Variants in EXOC3L2 observed in about 807,000 individuals in gnomAD.
EXOC3L2 encodes exocyst complex component 3-like protein 2.
In EXOC3L2, 17 loss-of-function variants were observed where a neutral mutation model predicts 44.4. The observed-to-expected ratio is 0.38, with a 90% CI of 0.26 to 0.57. The LOEUF (loss-of-function observed/expected upper bound fraction) is 0.57, where lower values mean the gene tolerates loss of function less well. Among genes scored for constraint, EXOC3L2 ranks in the 20% least tolerant of loss-of-function variants. The probability of loss-of-function intolerance (pLI) is 0.65; values close to 1 mark genes in which losing one functional copy is unlikely to be tolerated. For missense variants in EXOC3L2, 541 were observed against 588.4 expected (o/e 0.92, Z 0.83); for synonymous variants, 256 against 253.7 (o/e 1.01, Z -0.09).
intron 4 of EXOC3L2, among the ~76,000 whole-genome samples, chr19:45,229,943 C>T (rs346773): frequency 0.22 from 32,534 of 148,596 alleles, 6,251 homozygotes; most frequent in African/African-American, 0.52. Flanking sequence ...TATGTATACA[C>T]AAATAATGTA....
At chr19:45,245,032 T>C (rs1211740646) in intron 1 of EXOC3L2, among the ~76,000 whole-genome samples, 8 of 151,996 alleles carry the variant, frequency 5.3e-5, no homozygotes, top group African/African-American at 1.9e-4. Flanking sequence ...CGCAGGACAT[T>C]CGACCCAATG....
chr19:45,218,017 C>T lies in EXOC3L2; in HGVS notation c.1842+180G>A, dbSNP rs929364245. The stretch of plus-strand genomic sequence containing the variant: ...CCACGCACATGCCTCCCCGCAGACC[C>T]CGGGCAGGGGCCACCTCTCCCATCC... On this transcript the variant is annotated intron_variant, in intron 9 of 11. Coordinates refer to ENST00000413988, the MANE Select transcript of EXOC3L2 (RefSeq NM_001382422.1). 4.6e-5 allele frequency among the ~76,000 whole-genome samples: 7 copies of T among 152,150 alleles called. No homozygotes were observed. The South Asian group carries it at 1.4e-3, about 31-fold the overall frequency.
chr19:45,213,242 G>C lies in EXOC3L2; in HGVS notation c.2236C>G (p.Pro746Ala), dbSNP rs755095883. 3 of 1,613,338 alleles carry C rather than the reference G, an allele frequency of 1.9e-6. No individual in the cohort carries two copies. Among genetic ancestry groups the C allele is most frequent in the African/African-American group, 2.7e-5 (2 of 75,006 alleles). ...GCAAAGAAGGCACGGTCCCGAGGGG[G>C]TGACAGGGCTCCCTCCTCAGAGAGT... Reference protein sequence around the residue: ...LELSEEGALSPPRDRAFFADI... With the variant: ...LELSEEGALSAPRDRAFFADI... Residue 746 changes from proline to alanine, a missense_variant, in exon 12 of 12, where the codon CCC (proline) becomes GCC (alanine). Transcript: ENST00000413988.
chr19:45,229,713 C>T (rs1237094747), intron 4 of EXOC3L2, among the ~76,000 whole-genome samples: 2 of 149,458 alleles, frequency 1.3e-5, no homozygotes, highest in African/African-American at 2.4e-5. Flanking sequence ...GGCATGGTGG[C>T]GCATGCCTGT....
Position 45,228,209 on chromosome 19 carries a change from T to A in EXOC3L2, c.1327A>T (p.Ser443Cys), listed in dbSNP as rs1248670892. The A allele has an allele frequency of 5.0e-6, 8 of 1,613,786 alleles. No homozygotes were observed. The highest frequency in any genetic ancestry group is 6.8e-6 in the Non-Finnish European group (8 of 1,179,996). Residue 443 changes from serine (S) to cysteine (C), a missense_variant, in exon 5 of 12, where the codon AGC becomes TGC. By Grantham distance (112) the Ser-to-Cys change is moderately radical. Transcript: ENST00000413988. Reference sequence around the variant, plus strand: ...AGGCTGCTGGGCTGGTCCTCCAGGCTCCCCCAGTGCTCTTCGTCCTCCTGC... The same window carrying A: ...AGGCTGCTGGGCTGGTCCTCCAGGCACCCCCAGTGCTCTTCGTCCTCCTGC... ...VLQEDEEHWGSLEDQPSSLAQ... is the reference protein window; with the variant it reads ...VLQEDEEHWGCLEDQPSSLAQ...
chr19:45,229,975 A>G (rs2122978963), intron 4 of EXOC3L2, among the ~76,000 whole-genome samples: 1 of 150,100 alleles, frequency 6.7e-6, no homozygotes, highest in African/African-American at 2.4e-5. Context: ...TATATTAAAT[A>G]TAAATCCTAT....
chr19:45,244,985 C>T (rs1476872980), intron 1 of EXOC3L2, among the ~76,000 whole-genome samples: 3 of 151,914 alleles, frequency 2.0e-5, no homozygotes, highest in Admixed American at 2.0e-4. Flanking sequence ...AGAACAAATA[C>T]CCGATCCTTC....
chr19:45,224,448 G>A (rs1352486363), intron 8 of EXOC3L2, among the ~76,000 whole-genome samples: 83 of 151,914 alleles, frequency 5.5e-4, no homozygotes, highest in Non-Finnish European at 1.2e-4. Flanking sequence ...CCTTTGCACC[G>A]AACCCCTATA....
intron 8 of EXOC3L2, among the ~76,000 whole-genome samples, chr19:45,219,413 A>AAG (rs1555755865): frequency 6.5e-4 from 98 of 150,678 alleles, no homozygotes; most frequent in Non-Finnish European, 1.1e-3. Flanking sequence ...AAAAAAAAAA[A>AAG]AGAGAAAAAG....
At position 45,213,287 on chromosome 19, in the gene EXOC3L2, C is replaced by T. The variant is rs776146386; in HGVS notation, c.2191G>A (p.Ala731Thr). 10 of 1,613,710 alleles carry T rather than the reference C, an allele frequency of 6.2e-6. No individual in the cohort carries two copies. Among genetic ancestry groups the T allele is most frequent in the South Asian group, 1.1e-5 (1 of 91,040 alleles). The part of the protein sequence containing the change: ...RNTAARQEIL[A>T]VARDLELSEE... Reference sequence around the variant, plus strand: ...GAGAGTTCCAGGTCCCGGGCCACGGCCAGGATCTCCTGGCGGGCGGCTGTG... The same window carrying T: ...GAGAGTTCCAGGTCCCGGGCCACGGTCAGGATCTCCTGGCGGGCGGCTGTG... The change falls in exon 12 of 12, where the codon GCC becomes ACC. Residue 731 changes from alanine (A) to threonine (T), a missense_variant. Ala to Thr is a moderately conservative substitution (Grantham distance 58, BLOSUM62 0). Transcript: ENST00000413988.
intron 8 of EXOC3L2, among the ~76,000 whole-genome samples, chr19:45,222,347 T>C (rs954239486): frequency 2.0e-5 from 3 of 151,656 alleles, no homozygotes; most frequent in Admixed American, 1.3e-4. Flanking sequence ...TTACAGGCGC[T>C]TGCCACCACG....
chr19:45,213,429 C>T (rs747735507), intron 11 of EXOC3L2, 72 bp from the exon 12 acceptor site: 39 of 1,555,612 alleles, frequency 2.5e-5, no homozygotes, highest in Middle Eastern at 1.7e-4. Flanking sequence ...AGCCGTGGAC[C>T]CCACCTGACC....
Position 45,228,332 on chromosome 19 carries a change from T to C in EXOC3L2, c.1270-66A>G. 2.9e-6 allele frequency: 4 copies of C among 1,379,596 alleles called. No individual in the cohort carries two copies. The South Asian group carries it at 3.7e-5, about 13-fold the overall frequency. 85.5% of individuals were successfully genotyped at this position (1,379,596 alleles called of 1,614,324 possible). A position where few individuals can be genotyped will look rare whatever the true frequency, so the allele number is the denominator to read the frequency against. The stretch of plus-strand genomic sequence containing the variant: ...GCCTGGAGGTCTTTTTTTTTATCTC[T>C]TTCTCCCACCACAATCCCCTAGCCC... On this transcript the variant is annotated intron_variant, in intron 4 of 11. Transcript: ENST00000413988.
rs778960279 is a variant in EXOC3L2 at position 45,213,266 on chromosome 19, G to A, written c.2212C>T (p.Leu738Phe). ...EILAVARDLE[L>F]SEEGALSPPR... ...GGTGACAGGGCTCCCTCCTCAGAGAGTTCCAGGTCCCGGGCCACGGCCAGG... is the reference window on the plus strand; with the variant it reads ...GGTGACAGGGCTCCCTCCTCAGAGAATTCCAGGTCCCGGGCCACGGCCAGG... The change falls in exon 12 of 12, where the codon CTC becomes TTC. Residue 738 changes from leucine to phenylalanine, a missense_variant. By Grantham distance (22) the Leu-to-Phe change is conservative. Transcript: ENST00000413988. 70 of 1,613,646 alleles carry A rather than the reference G, an allele frequency of 4.3e-5. No individual in the cohort carries two copies. The highest frequency in any genetic ancestry group is 5.3e-5 in the Non-Finnish European group (63 of 1,179,862).
At chr19:45,231,920 T>C (rs1599766569) in intron 3 of EXOC3L2, 46 bp from the exon 4 acceptor site, 1 of 1,380,340 alleles carries the variant, frequency 7.2e-7, no homozygotes, top group East Asian at 2.4e-5. Context: ...AAAGTGGGGC[T>C]GGGCAGTTGG....
At chr19:45,218,105 A>T in intron 9 of EXOC3L2, 92 bp downstream of exon 9, 1 of 1,385,890 alleles carries the variant, frequency 7.2e-7, no homozygotes, top group Non-Finnish European at 9.5e-7. Flanking sequence ...GGCTCTCCCA[A>T]CCTCCCAATC....
chr19:45,225,620 C>CTTTT (rs555190100), intron 7 of EXOC3L2, among the ~76,000 whole-genome samples: 1 of 125,320 alleles, frequency 8.0e-6, no homozygotes, highest in African/African-American at 2.9e-5. Flanking sequence ...TTACTCTTCT[C>CTTTT]TTTTTTTTTT....
rs150907907 is a variant in EXOC3L2, at chr19:45,232,642, T to C, written c.1158-768A>G. Reference sequence around the variant, plus strand: ...GTGACCTGGAGGTGGCTAATCACCATAGTCCATCCCCCGGCCACAAGAATG... The same window carrying C: ...GTGACCTGGAGGTGGCTAATCACCACAGTCCATCCCCCGGCCACAAGAATG... On this transcript the variant is annotated intron_variant, in intron 3 of 11. Coordinates refer to ENST00000413988, the MANE Select transcript of EXOC3L2 (RefSeq NM_001382422.1). Among the ~76,000 whole-genome samples, 714 of 152,292 alleles carry C rather than the reference T, an allele frequency of 4.7e-3. 7 individuals are homozygous for C. Among genetic ancestry groups the C allele is most frequent in the Middle Eastern group, 0.031 (9 of 294 alleles).
Position 45,238,151 on chromosome 19 carries a change from T to G in EXOC3L2, c.523+372A>C, listed in dbSNP as rs535133900. ...AAAAAAATAATAATAATAAAATAAA[T>G]AAAATAAAGAAATTGAAGAAATTGG... is the stretch of plus-strand genomic sequence containing the variant. On this transcript the variant is annotated intron_variant, in intron 2 of 11. Coordinates refer to ENST00000413988, the MANE Select transcript of EXOC3L2 (RefSeq NM_001382422.1). This position sits in a 1 kb window ranked among gnomAD's most constrained non-coding sequence, Gnocchi z 5.5. 2.0e-5 allele frequency among the ~76,000 whole-genome samples: 3 copies of G among 151,430 alleles called. No homozygotes were observed. The highest frequency in any genetic ancestry group is 3.9e-4 in the East Asian group (2 of 5,186).
Sources: gnomAD v4.1 joint callset for allele counts (sites outside exome capture counted in the v4.1 genomes callset) on GRCh38, gnomAD v4.1.1 for gene constraint, Gnocchi (gnomAD v3.1) non-coding constraint, MANE v1.5 for transcripts, NCBI Gene and HGNC (gene_info 2026-07-23, HGNC 2026-07-21) for gene names.